The following RBFOX1 variants were observed in gnomAD, a reference collection of about 807,000 sequenced individuals.
RBFOX1 encodes the protein RNA binding protein fox-1 homolog 1.
RBFOX1 carries 8 observed loss-of-function variants against 57.7 expected under a neutral mutation model. That is an observed-to-expected ratio of 0.14 (90% confidence interval 0.08 to 0.25). RBFOX1 has a LOEUF of 0.25. Among genes scored for constraint, RBFOX1 ranks in the 10% least tolerant of loss-of-function variants. The probability of loss-of-function intolerance (pLI) is 1.00; values close to 1 mark genes in which losing one functional copy is unlikely to be tolerated. For missense variants in RBFOX1, 611 were observed against 548.5 expected, an observed-to-expected ratio of 1.11 and a Z score of -1.14; for synonymous variants, 326 against 222.4, an observed-to-expected ratio of 1.47 and a Z score of -4.15.
intron 1 of RBFOX1, among the ~76,000 whole-genome samples, chr16:6,165,467 A>C (rs1040096511): frequency 1.1e-4 from 16 of 152,184 alleles, no homozygotes; most frequent in African/African-American, 3.9e-4. Flanking sequence ...AGCTATTTGC[A>C]GAAGTCTCAC....
chr16:5,682,446 C>T (rs1040639803), intron 3 of RBFOX1, among the ~76,000 whole-genome samples: 1 of 152,180 alleles, frequency 6.6e-6, no homozygotes, highest in African/African-American at 2.4e-5. Flanking sequence ...TAGAGATAAG[C>T]ATCATACAAT....
chr16:5,804,443 G>A (rs1474200153), intron 3 of RBFOX1, among the ~76,000 whole-genome samples: 5 of 152,222 alleles, frequency 3.3e-5, no homozygotes, highest in Admixed American at 1.3e-4. Flanking sequence ...AAGGTATCCT[G>A]TTCATTGATA....
intron 4 of RBFOX1, among the ~76,000 whole-genome samples, chr16:7,280,110 C>T (rs574852068): frequency 6.6e-6 from 1 of 152,238 alleles, no homozygotes; most frequent in African/African-American, 2.4e-5. Context: ...CTTCTGAATC[C>T]TGGCTGAGTT....
chr16:6,473,949 T>C (rs1809963622), intron 2 of RBFOX1, among the ~76,000 whole-genome samples: 1 of 152,216 alleles, frequency 6.6e-6, no homozygotes, highest in African/African-American at 2.4e-5. Context: ...AGTGGATTTT[T>C]GTTTGGCTTC....
intron 3 of RBFOX1, among the ~76,000 whole-genome samples, chr16:5,811,183 C>T (rs1486380721): frequency 7.5e-6 from 1 of 132,966 alleles, no homozygotes. Flanking sequence ...GAGTCTGTCA[C>T]CCAGGCTGCA....
chr16:6,890,238 G>T lies in RBFOX1; in HGVS notation c.-15-161819G>T, dbSNP rs373423332. On this transcript the variant is annotated intron_variant, in intron 3 of 15. Transcript: ENST00000550418. ...AATATTGTTATGAAAACCTAAGGAG[G>T]GTGGGCATGGTAGCTCATGCCTGTA... is the stretch of plus-strand genomic sequence containing the variant. Among the ~76,000 whole-genome samples, 51 of 152,284 alleles carry T rather than the reference G, an allele frequency of 3.3e-4. No individual in the cohort carries two copies. The East Asian group carries it at 4.1e-3, about 12-fold the overall frequency.
At chr16:5,268,890 T>A (rs534055832) in intron 1 of RBFOX1, among the ~76,000 whole-genome samples, 1 of 151,882 alleles carries the variant, frequency 6.6e-6, no homozygotes, top group African/African-American at 2.4e-5. Context: ...TTTCTCTGCA[T>A]CCTAACCAAC....
chr16:5,887,550 C>T (rs899597845), intron 4 of RBFOX1, among the ~76,000 whole-genome samples: 1 of 152,078 alleles, frequency 6.6e-6, no homozygotes, highest in African/African-American at 2.4e-5. Context: ...TACAGGCACT[C>T]CCCAATGCGC....
At chr16:7,446,966 C>A (rs1468323702) in intron 4 of RBFOX1, among the ~76,000 whole-genome samples, 3 of 151,624 alleles carry the variant, frequency 2.0e-5, no homozygotes, top group Non-Finnish European at 4.4e-5. Context: ...GTGCCCGCCA[C>A]CACACCTGGC....
At chr16:5,417,009 T>C (rs2067179873) in intron 1 of RBFOX1, among the ~76,000 whole-genome samples, 2 of 152,090 alleles carry the variant, frequency 1.3e-5, no homozygotes. Context: ...TGAAAAAGTG[T>C]AGAGAGAGCA....
chr16:6,676,066 C>T (rs2057592215), intron 3 of RBFOX1, among the ~76,000 whole-genome samples: 4 of 151,296 alleles, frequency 2.6e-5, no homozygotes, highest in South Asian at 2.1e-4. Context: ...GGGAAGTCAA[C>T]ATAGGGGTTT....
chr16:6,645,599 G>T (rs1235061952), intron 2 of RBFOX1, among the ~76,000 whole-genome samples: 1 of 152,154 alleles, frequency 6.6e-6, no homozygotes, highest in Non-Finnish European at 1.5e-5. Flanking sequence ...CTTCTGAAAA[G>T]AACGGACACA....
At chr16:6,753,201 G>T (rs952805679) in intron 3 of RBFOX1, among the ~76,000 whole-genome samples, 2 of 152,184 alleles carry the variant, frequency 1.3e-5, no homozygotes, top group Non-Finnish European at 2.9e-5. Context: ...GATGGTTGCA[G>T]AGAGGGATGG....
intron 3 of RBFOX1, among the ~76,000 whole-genome samples, chr16:6,816,281 C>G (rs1426558536): frequency 2.0e-5 from 3 of 152,214 alleles, no homozygotes; most frequent in Admixed American, 1.3e-4. Context: ...TGCACTCGCA[C>G]TTGAGCCACA....
intron 4 of RBFOX1, among the ~76,000 whole-genome samples, chr16:5,911,294 C>G (rs758984716): frequency 6.6e-5 from 10 of 152,162 alleles, no homozygotes; most frequent in Non-Finnish European, 1.3e-4. Flanking sequence ...TGACTCCACA[C>G]TTATTACTGA....
At chr16:5,336,165 C>G (rs1190581865) in intron 1 of RBFOX1, among the ~76,000 whole-genome samples, 4 of 152,242 alleles carry the variant, frequency 2.6e-5, no homozygotes, top group Admixed American at 2.6e-4. Context: ...ATGTTTCCAA[C>G]TTGGGAGCCA....
At chr16:7,641,911 AC>A (rs1404443104) in intron 11 of RBFOX1, among the ~76,000 whole-genome samples, 2 of 151,840 alleles carry the variant, frequency 1.3e-5, no homozygotes, top group African/African-American at 4.8e-5. Flanking sequence ...CTCAAATGCT[AC>A]TCTTTCTTTT....
At chr16:6,485,735 G>A (rs929557136) in intron 2 of RBFOX1, among the ~76,000 whole-genome samples, 4 of 152,116 alleles carry the variant, frequency 2.6e-5, no homozygotes, top group Non-Finnish European at 5.9e-5. Context: ...CCCAAATTGA[G>A]GGTTTATACG....
At chr16:7,368,596 G>A (rs2097507726) in intron 4 of RBFOX1, among the ~76,000 whole-genome samples, 2 of 151,906 alleles carry the variant, frequency 1.3e-5, no homozygotes, top group African/African-American at 2.4e-5. Context: ...GGCTAACACG[G>A]TGAAACCCCC....
Sources: allele counts gnomAD v4.1 joint callset (sites outside exome capture counted in the v4.1 genomes callset), GRCh38; gene constraint gnomAD v4.1.1; transcripts MANE v1.5; gene names NCBI Gene and HGNC (gene_info 2026-07-23, HGNC 2026-07-21).